The following MAPDA variants were observed in gnomAD, a reference collection of about 807,000 sequenced individuals.
MAPDA encodes N6,N6-dimethyl-AMP deaminase.
the MAPDA span, chr15:43,343,005 A>G: frequency 1.9e-6 from 3 of 1,580,784 alleles, no homozygotes; most frequent in Non-Finnish European, 2.6e-6. Context: ...AATGACTAAA[A>G]AGACTTATGT....
the MAPDA span, among the ~76,000 whole-genome samples, chr15:43,334,633 T>TATATATATATATATATATA: frequency 6.1e-5 from 4 of 65,172 alleles, no homozygotes; most frequent in Non-Finnish European, 1.9e-4. Flanking sequence ...CTCAAAAAAA[T>TATATATATATATATATATA]TATATATATA....
the MAPDA span, chr15:43,340,277 GT>G: frequency 3.1e-6 from 5 of 1,613,892 alleles, no homozygotes; most frequent in African/African-American, 1.3e-5. Flanking sequence ...CACAAAAGAT[GT>G]CATAAAAGAA....
the MAPDA span, chr15:43,335,092 T>C: frequency 1.9e-6 from 3 of 1,611,400 alleles, no homozygotes; most frequent in Non-Finnish European, 2.5e-6. Context: ...AGAAGAATCA[T>C]TTTTTTCCTG....
chr15:43,335,660 G>A, the MAPDA span: 1 of 1,571,998 alleles, frequency 6.4e-7, no homozygotes, highest in Non-Finnish European at 8.6e-7. Flanking sequence ...TGAATCTATT[G>A]GATATTTGAT....
chr15:43,343,571 G>A, the MAPDA span, among the ~76,000 whole-genome samples: 29 of 152,244 alleles, frequency 1.9e-4, no homozygotes, highest in South Asian at 4.1e-4. Context: ...CCTCAGAGGG[G>A]CCTTCCTTTA....
chr15:43,351,750 G>A, the MAPDA span: 1 of 1,530,972 alleles, frequency 6.5e-7, no homozygotes, highest in Non-Finnish European at 8.8e-7. Context: ...TACGTTGGCA[G>A]ACTGATGATA....
the MAPDA span, among the ~76,000 whole-genome samples, chr15:43,347,855 G>A: frequency 6.6e-6 from 1 of 152,154 alleles, no homozygotes; most frequent in Non-Finnish European, 1.5e-5. Context: ...TATCTTTCAT[G>A]TCTATAAGCA....
At chr15:43,352,844 A>G in the MAPDA span, 1 of 152,174 alleles carries the variant, frequency 6.6e-6, no homozygotes, top group Non-Finnish European at 1.5e-5. Flanking sequence ...TGCCCTCTTT[A>G]TGATTGTCCC....
chr15:43,330,542 G>C, the MAPDA span: 3 of 1,500,976 alleles, frequency 2.0e-6, no homozygotes, highest in Non-Finnish European at 2.7e-6. Flanking sequence ...GCCGCCCCTT[G>C]GTTAGCACAC....
the MAPDA span, chr15:43,346,864 G>A: frequency 3.0e-3 from 1,871 of 614,514 alleles, 30 homozygotes; most frequent in African/African-American, 0.029. Flanking sequence ...GAAGTGGCTC[G>A]CACATTGTAG....
chr15:43,334,876 A>T, the MAPDA span: 1 of 423,186 alleles, frequency 2.4e-6, no homozygotes, highest in Non-Finnish European at 4.2e-6. Flanking sequence ...TTTGCCTTTT[A>T]AAGAAAAAAT....
the MAPDA span, chr15:43,350,981 A>G: frequency 7.1e-6 from 11 of 1,551,554 alleles, no homozygotes; most frequent in Admixed American, 1.4e-4. Flanking sequence ...AGACAGTTCC[A>G]TCTTATGACC....
the MAPDA span, among the ~76,000 whole-genome samples, chr15:43,338,279 G>A: frequency 2.8e-4 from 43 of 152,334 alleles, no homozygotes; most frequent in African/African-American, 8.9e-4. Flanking sequence ...TAAACTAAGA[G>A]ATTGTAAATG....
chr15:43,349,799 G>GGCTA, the MAPDA span, among the ~76,000 whole-genome samples: 1 of 152,180 alleles, frequency 6.6e-6, no homozygotes, highest in Non-Finnish European at 1.5e-5. Flanking sequence ...ATTCATAATG[G>GGCTA]GCTAGATTTG....
chr15:43,336,452 T>G, the MAPDA span, among the ~76,000 whole-genome samples: 1 of 152,174 alleles, frequency 6.6e-6, no homozygotes, highest in Non-Finnish European at 1.5e-5. Flanking sequence ...TCAGTAATGT[T>G]TTATTTTCTA....
the MAPDA span, chr15:43,353,298 A>G: frequency 6.6e-6 from 1 of 152,154 alleles, no homozygotes; most frequent in South Asian, 2.1e-4. Context: ...CAAACAAAAA[A>G]CAAAAACAAA....
the MAPDA span, among the ~76,000 whole-genome samples, chr15:43,339,004 A>G: frequency 6.6e-6 from 1 of 152,222 alleles, no homozygotes; most frequent in African/African-American, 2.4e-5. Flanking sequence ...AGCTTTCTGC[A>G]TTAGTCTCAT....
At chr15:43,346,758 C>G in the MAPDA span, among the ~76,000 whole-genome samples, 111 of 152,290 alleles carry the variant, frequency 7.3e-4, 1 homozygote, top group Non-Finnish European at 1.4e-3. Context: ...AATTTGGTGA[C>G]TACTATATCC....
the MAPDA span, among the ~76,000 whole-genome samples, chr15:43,342,077 G>C: frequency 1.3e-5 from 2 of 152,234 alleles, no homozygotes; most frequent in Admixed American, 6.5e-5. Flanking sequence ...GACCTCAGGT[G>C]ATCGGCCCGC....
Sources: allele counts gnomAD v4.1 joint callset (sites outside exome capture counted in the v4.1 genomes callset), GRCh38; gene constraint gnomAD v4.1.1; transcripts MANE v1.5; gene names NCBI Gene and HGNC (gene_info 2026-07-23, HGNC 2026-07-21).